Variants in SLC27A5 observed in about 807,000 individuals in gnomAD.
SLC27A5 encodes the protein solute carrier family 27 member 5, also known as long-chain fatty acid transport protein 5.
Under a neutral mutation model 63.1 loss-of-function variants are expected in SLC27A5, and 47 were observed. The observed-to-expected ratio is 0.74, with a 90% CI of 0.59 to 0.95. The LOEUF is 0.95. Ranked by LOEUF, SLC27A5 falls within the 40% of genes least tolerant of loss-of-function variation. The probability of loss-of-function intolerance (pLI) is 0.00; values close to 1 mark genes in which losing one functional copy is unlikely to be tolerated. For missense variants in SLC27A5, 940 were observed against 921.0 expected, an observed-to-expected ratio of 1.02 and a Z score of -0.27; for synonymous variants, 391 against 403.8, an observed-to-expected ratio of 0.97 and a Z score of 0.38.
In SLC27A5 at chr19:58,498,577, A is replaced by T. The variant is rs1269468979; in HGVS notation, c.2011T>A (p.Ser671Thr). The T allele has an allele frequency of 6.2e-7, 1 of 1,613,952 alleles. No individual in the cohort carries two copies. The highest frequency in any genetic ancestry group is 8.5e-7 in the Non-Finnish European group (1 of 1,180,020). The change falls in exon 10 of 10, where the codon TCC becomes ACC. Residue 671 changes from serine (S) to threonine (T), a missense_variant. By Grantham distance (58) the Ser-to-Thr change is moderately conservative. Coordinates refer to ENST00000263093, the MANE Select transcript of SLC27A5 (RefSeq NM_012254.3). Reference protein sequence around the residue: ...PLFVLDNRAQSFRPLTAEMYQ... With the variant: ...PLFVLDNRAQTFRPLTAEMYQ... Reference sequence around the variant, plus strand: ...ATTTCTGCCGTCAGGGGCCGGAAGGACTGGGCCCGGTTGTCCAGTACAAAC... The same window carrying T: ...ATTTCTGCCGTCAGGGGCCGGAAGGTCTGGGCCCGGTTGTCCAGTACAAAC...
rs1262937337 is a variant in SLC27A5 at position 58,510,701 on chromosome 19, G to C, written c.898+20C>G. On this transcript the variant is annotated intron_variant, in intron 2 of 9. Coordinates refer to ENST00000263093, the MANE Select transcript of SLC27A5 (RefSeq NM_012254.3). ...CCTGAGAGTTCAGAGGCTGGTGCTA[G>C]GGCTAATGGGCACCCTCACCAGTGG... is the stretch of plus-strand genomic sequence containing the variant. The C allele has an allele frequency of 1.9e-6, 3 of 1,575,244 alleles. No homozygotes were observed. Among genetic ancestry groups the C allele is most frequent in the African/African-American group, 1.3e-5 (1 of 74,370 alleles).
In SLC27A5 at chr19:58,511,288, C is replaced by G; in HGVS notation, c.668G>C (p.Arg223Pro). ...LAHSVLSSGA[R>P]VLVVDPDLRE... ...CTCACCTGGGTCCACCACCAGCACCCGGGCCCCAGAGCTCAGCACAGAGTG... is the reference window on the plus strand; with the variant it reads ...CTCACCTGGGTCCACCACCAGCACCGGGGCCCCAGAGCTCAGCACAGAGTG... Residue 223 changes from arginine to proline, a missense_variant, in exon 1 of 10, where the codon CGG (arginine) becomes CCG (proline). Coordinates refer to ENST00000263093, the MANE Select transcript of SLC27A5 (RefSeq NM_012254.3). 1 of 1,553,004 alleles carries G rather than the reference C, an allele frequency of 6.4e-7. No homozygotes were observed.
chr19:58,509,850 G>A lies in SLC27A5; in HGVS notation c.1054C>T (p.Leu352Phe). 1.2e-6 allele frequency: 2 copies of A among 1,612,180 alleles called. No homozygotes were observed. The highest frequency in any genetic ancestry group is 1.1e-5 in the South Asian group (1 of 90,846). ...LVVGILGCLD[L>F]GATCVLAPKF... ...GGATCCTCAGAAGTGGGCTTACCGA[G>A]ATCTAAGCAGCCGAGGATCCCAACG... is the stretch of plus-strand genomic sequence containing the variant. The change falls in exon 3 of 10, where the codon CTC (leucine) becomes TTC (phenylalanine). Residue 352 changes from leucine (L) to phenylalanine (F), a missense_variant. By Grantham distance (22) the Leu-to-Phe change is conservative. Transcript: ENST00000263093.
At chr19:58,502,316 T>G (rs2053284047) in intron 3 of SLC27A5, among the ~76,000 whole-genome samples, 1 of 146,648 alleles carries the variant, frequency 6.8e-6, no homozygotes, top group African/African-American at 2.6e-5. Flanking sequence ...AGAAGATGGA[T>G]GGGTGAACAG....
Position 58,510,898 on chromosome 19 carries a change from T to G in SLC27A5, c.721A>C (p.Lys241Gln), listed in dbSNP as rs966953339. The G allele has an allele frequency of 6.2e-7, 1 of 1,611,158 alleles. No individual in the cohort carries two copies. The highest frequency in any genetic ancestry group is 1.7e-5 in the Admixed American group (1 of 59,826). ...LRESLEEILP[K>Q]LQAENIRCFY... ...CAGCGGATGTTCTCAGCCTGCAGCT[T>G]GGGAAGGATCTCCTCCAGGCTCTCC... The change falls in exon 2 of 10, where the codon AAG becomes CAG. Residue 241 changes from lysine (K) to glutamine (Q), a missense_variant. Coordinates refer to ENST00000263093, the MANE Select transcript of SLC27A5 (RefSeq NM_012254.3).
At chr19:58,507,307 G>T in intron 3 of SLC27A5, 1 of 152,652 alleles carries the variant, frequency 6.6e-6, no homozygotes, top group South Asian at 1.9e-4. Context: ...GGGAAGTCAG[G>T]GACCCCTAAC....
intron 4 of SLC27A5, 107 bp downstream of exon 4, chr19:58,501,179 G>A: frequency 2.8e-6 from 4 of 1,425,522 alleles, no homozygotes; most frequent in African/African-American, 1.4e-5. Context: ...TGCATGAGGT[G>A]TATTATCTGA....
rs972768738 is a variant in SLC27A5 at position 58,501,338 on chromosome 19, G to T, written c.1130C>A (p.Thr377Lys). Reference sequence around the variant, plus strand: ...GAGCTCGCCCACATACAGGATCACTGTCACGCCATGCTGCCGACAGTCATC... The same window carrying T: ...GAGCTCGCCCACATACAGGATCACTTTCACGCCATGCTGCCGACAGTCATC... Reference protein sequence around the residue: ...FWDDCRQHGVTVILYVGELLR... With the variant: ...FWDDCRQHGVKVILYVGELLR... Residue 377 changes from threonine to lysine, a missense_variant, in exon 4 of 10, where the codon ACA (threonine) becomes AAA (lysine). Transcript: ENST00000263093. 3 of 1,613,716 alleles carry T rather than the reference G, an allele frequency of 1.9e-6. No homozygotes were observed. The highest frequency in any genetic ancestry group is 2.7e-5 in the African/African-American group (2 of 74,912).
intron 3 of SLC27A5, among the ~76,000 whole-genome samples, chr19:58,505,482 C>T (rs1314193938): frequency 4.0e-5 from 6 of 151,836 alleles, no homozygotes; most frequent in African/African-American, 1.2e-4. Context: ...ATCCACCAGA[C>T]TCATCCTCCC....
intron 3 of SLC27A5, chr19:58,509,639 C>A: frequency 4.0e-6 from 2 of 499,560 alleles, no homozygotes; most frequent in Non-Finnish European, 7.1e-6. Context: ...GTCTTGTCAC[C>A]TCCTGACCAA....
At chr19:58,501,791 A>G (rs2122495482) in intron 3 of SLC27A5, among the ~76,000 whole-genome samples, 1 of 152,300 alleles carries the variant, frequency 6.6e-6, no homozygotes, top group Middle Eastern at 3.4e-3. Context: ...CTCCTGCCTC[A>G]GCTTTCTGAG....
At chr19:58,509,473 C>A (rs1197694839) in intron 3 of SLC27A5, 1 of 180,328 alleles carries the variant, frequency 5.5e-6, no homozygotes, top group East Asian at 1.4e-4. Context: ...CATCTAGACT[C>A]TGAATCAAGA....
chr19:58,506,200 T>G (rs1454940860), intron 3 of SLC27A5, among the ~76,000 whole-genome samples: 2 of 152,004 alleles, frequency 1.3e-5, no homozygotes, highest in African/African-American at 4.8e-5. Context: ...GTGCAGGGAT[T>G]ATAGGCATGA....
At chr19:58,500,094 A>G (rs750815134) in intron 6 of SLC27A5, among the ~76,000 whole-genome samples, 6 of 151,988 alleles carry the variant, frequency 3.9e-5, no homozygotes, top group African/African-American at 7.2e-5. Context: ...AACAAATCAG[A>G]TGGACACCCA....
At chr19:58,504,444 T>C (rs1280212571) in intron 3 of SLC27A5, among the ~76,000 whole-genome samples, 2 of 145,890 alleles carry the variant, frequency 1.4e-5, no homozygotes, top group Non-Finnish European at 3.0e-5. Context: ...AGGTCAGGAG[T>C]TTGAGACCAG....
At chr19:58,499,979 T>C (rs956072588) in intron 6 of SLC27A5, among the ~76,000 whole-genome samples, 142 of 151,312 alleles carry the variant, frequency 9.4e-4, no homozygotes, top group African/African-American at 3.3e-3. Context: ...GCAGTGAGAA[T>C]AGATATGACC....
rs1447774190 is a variant in SLC27A5 at position 58,511,420 on chromosome 19, A to C, written c.536T>G (p.Val179Gly). ...LCAGEPTALL[V>G]LASQAVPALC... ...GGCTGGAACGGCCTGGGAAGCCAGC[A>C]CAAGGAGGGCAGTAGGCTCCCCGGC... is the stretch of plus-strand genomic sequence containing the variant. The change falls in exon 1 of 10, where the codon GTG (valine) becomes GGG (glycine). Residue 179 changes from valine (V) to glycine (G), a missense_variant. Val to Gly is a moderately radical substitution (Grantham distance 109, BLOSUM62 -3). Coordinates refer to ENST00000263093, the MANE Select transcript of SLC27A5 (RefSeq NM_012254.3). 4.4e-6 allele frequency: 7 copies of C among 1,606,818 alleles called. No homozygotes were observed. In the East Asian group the frequency reaches 1.1e-4, roughly 26 times the overall value.
At chr19:58,499,003 G>A (rs528553647) in intron 8 of SLC27A5, 88 bp from the exon 9 acceptor site, 8 of 1,589,496 alleles carry the variant, frequency 5.0e-6, no homozygotes, top group Non-Finnish European at 6.9e-6. Flanking sequence ...CTCACTGGCT[G>A]TGAGAGCCAG....
At chr19:58,501,100 T>A in intron 4 of SLC27A5, 186 bp downstream of exon 4, 1 of 1,182,658 alleles carries the variant, frequency 8.5e-7, no homozygotes, top group Non-Finnish European at 1.1e-6. Context: ...ACACTGAGGC[T>A]CAAGGTAGCA....
Sources: allele counts gnomAD v4.1 joint callset (sites outside exome capture counted in the v4.1 genomes callset), GRCh38; gene constraint gnomAD v4.1.1; transcripts MANE v1.5; gene names NCBI Gene and HGNC (gene_info 2026-07-23, HGNC 2026-07-21).